DPP10: variants seen among roughly 807,000 people sequenced by gnomAD.
The protein encoded by DPP10 is dipeptidyl peptidase like 10, also known as inactive dipeptidyl peptidase 10.
In DPP10, 33 loss-of-function variants were observed where a neutral mutation model predicts 120.9. That is an observed-to-expected ratio of 0.27 (90% CI 0.21 to 0.37). The LOEUF (loss-of-function observed/expected upper bound fraction) is 0.37, where lower values mean the gene tolerates loss of function less well. Among genes scored for constraint, DPP10 ranks in the 10% least tolerant of loss-of-function variants. DPP10 has a pLI of 1.00. For synonymous variants in DPP10, 337 were observed against 326.1 expected (o/e 1.03, Z -0.36); for missense variants, 816 against 942.8 (o/e 0.87, Z 1.76).
At chr2:115,567,846 T>C (rs923224247) in intron 5 of DPP10, among the ~76,000 whole-genome samples, 1 of 152,206 alleles carries the variant, frequency 6.6e-6, no homozygotes, top group Admixed American at 6.5e-5. Context: ...AACTTTGCCA[T>C]TGAAATGTGT....
intron 5 of DPP10, among the ~76,000 whole-genome samples, chr2:115,556,073 G>C (rs2080191340): frequency 6.6e-6 from 1 of 152,066 alleles, no homozygotes; most frequent in South Asian, 2.1e-4. Flanking sequence ...AAAATTTCAG[G>C]ATATTAGTAT....
chr2:114,938,068 T>C (rs1696615825), intron 1 of DPP10, among the ~76,000 whole-genome samples: 1 of 152,188 alleles, frequency 6.6e-6, no homozygotes, highest in Admixed American at 6.5e-5. Flanking sequence ...TATAGGAAAG[T>C]AAATAAAGTC....
intron 1 of DPP10, among the ~76,000 whole-genome samples, chr2:114,837,279 T>C (rs1236406026): frequency 6.6e-6 from 1 of 152,164 alleles, no homozygotes; most frequent in Non-Finnish European, 1.5e-5. Context: ...CTAATAAATG[T>C]ACATGAAATC....
At chr2:114,854,391 T>C (rs1689206665) in intron 1 of DPP10, among the ~76,000 whole-genome samples, 1 of 152,210 alleles carries the variant, frequency 6.6e-6, no homozygotes, top group African/African-American at 2.4e-5. Context: ...ATTAAGTATG[T>C]TTCATAAAAA....
At chr2:114,613,824 T>C (rs1693466017) in intron 1 of DPP10, among the ~76,000 whole-genome samples, 1 of 152,074 alleles carries the variant, frequency 6.6e-6, no homozygotes, top group African/African-American at 2.4e-5. Context: ...TGCAGGGACA[T>C]GGATGAAGCT....
chr2:114,780,090 T>C (rs918110481), intron 1 of DPP10, among the ~76,000 whole-genome samples: 2 of 151,844 alleles, frequency 1.3e-5, no homozygotes, highest in Non-Finnish European at 2.9e-5. Context: ...GAGCCGAGAT[T>C]GCACCACTGC....
intron 7 of DPP10, among the ~76,000 whole-genome samples, chr2:115,717,641 G>C (rs2092537804): frequency 6.6e-6 from 1 of 152,034 alleles, no homozygotes. Context: ...CAGAATCAAA[G>C]AGAAAGTTGG....
At chr2:114,904,756 G>C (rs1201063741) in intron 1 of DPP10, among the ~76,000 whole-genome samples, 1 of 152,192 alleles carries the variant, frequency 6.6e-6, no homozygotes, top group Non-Finnish European at 1.5e-5. Context: ...TGAGTAGATA[G>C]AACAATTTGG....
At chr2:115,155,046 C>T (rs1486876115) in intron 1 of DPP10, among the ~76,000 whole-genome samples, 2 of 151,856 alleles carry the variant, frequency 1.3e-5, no homozygotes, top group African/African-American at 2.4e-5. Context: ...CACGTACCAC[C>T]ACACCAAGCT....
At chr2:115,330,039 T>G (rs1432302156) in intron 2 of DPP10, among the ~76,000 whole-genome samples, 4 of 152,154 alleles carry the variant, frequency 2.6e-5, no homozygotes, top group Non-Finnish European at 5.9e-5. Flanking sequence ...GTTGAACTAG[T>G]TTGCAGTCCC....
intron 11 of DPP10, among the ~76,000 whole-genome samples, chr2:115,756,364 GT>G: frequency 6.6e-6 from 1 of 152,026 alleles, no homozygotes; most frequent in East Asian, 1.9e-4. Flanking sequence ...AATGATAAAT[GT>G]TTGAGGTAGT....
chr2:115,680,155 A>G (rs1174876752), intron 5 of DPP10, among the ~76,000 whole-genome samples: 1 of 152,026 alleles, frequency 6.6e-6, no homozygotes, highest in Admixed American at 6.6e-5. Context: ...AAAATTTTCT[A>G]AATGACAAGA....
chr2:115,815,728 A>C lies in DPP10; in HGVS notation c.1949A>C (p.Lys650Thr). ...TCCAAAAGATTAAGCATTTTTGGAA[A>C]GGTAAATAGTAGAAATGCTGAATCT... is the stretch of plus-strand genomic sequence containing the variant. ...IDSKRLSIFG[K>T]GYGGYIASMI... The change falls in exon 21 of 26, where the codon AAG becomes ACG. Residue 650 changes from lysine to threonine, a missense_variant and splice_region_variant. Around this residue, in one of 3 missense-constraint regions of DPP10, gnomAD observed 592 missense variants for 649.0 expected, o/e 0.91. Transcript: ENST00000410059. 6.3e-7 allele frequency: 1 copy of C among 1,599,176 alleles called. No individual in the cohort carries two copies. Among genetic ancestry groups the C allele is most frequent in the Non-Finnish European group, 8.5e-7 (1 of 1,171,112 alleles).
intron 1 of DPP10, among the ~76,000 whole-genome samples, chr2:114,663,077 T>C (rs1697555244): frequency 6.6e-6 from 1 of 152,054 alleles, no homozygotes; most frequent in Non-Finnish European, 1.5e-5. Flanking sequence ...CATGTACATA[T>C]CCATATATAT....
intron 3 of DPP10, among the ~76,000 whole-genome samples, chr2:115,476,878 TA>T (rs1408669555): frequency 3.9e-5 from 6 of 152,182 alleles, no homozygotes; most frequent in Non-Finnish European, 5.9e-5. Context: ...ATCAATCATG[TA>T]ATACACTACA....
At chr2:115,744,800 C>T (rs28438741) in intron 9 of DPP10, among the ~76,000 whole-genome samples, 61,006 of 149,764 alleles carry the variant, frequency 0.41, 15,980 homozygotes, top group East Asian at 0.64. Context: ...CATGGATCTT[C>T]GTCATTTTTA....
chr2:114,866,004 C>T lies in DPP10; in HGVS notation c.60+423166C>T, dbSNP rs1574373105. 2.0e-5 allele frequency among the ~76,000 whole-genome samples: 3 copies of T among 151,942 alleles called. No individual in the cohort carries two copies. In the South Asian group the frequency reaches 6.2e-4, roughly 32 times the overall value. On this transcript the variant is annotated intron_variant, in intron 1 of 25. Transcript: ENST00000410059. ...GTGCATGCCTATAAACCCAGCTACTCAGGAGGCTGAGGCAGGAGAATCGCT... is the reference window on the plus strand; with the variant it reads ...GTGCATGCCTATAAACCCAGCTACTTAGGAGGCTGAGGCAGGAGAATCGCT...
rs1690494779 is a variant in DPP10, at chr2:115,844,932, T to G, written c.*2587T>G. The G allele has an allele frequency of 6.6e-6, 1 of 152,188 alleles. No homozygotes were observed. Among genetic ancestry groups the G allele is most frequent in the Non-Finnish European group, 1.5e-5 (1 of 68,032 alleles). 9.4% of individuals were successfully genotyped at this position (152,188 alleles called of 1,614,324 possible). ...CAGGCTATTCTCATCTCTTTGAGTTTCCTGACAGAACTAAAGGAAGGAATC... is the reference window on the plus strand; with the variant it reads ...CAGGCTATTCTCATCTCTTTGAGTTGCCTGACAGAACTAAAGGAAGGAATC... On this transcript the variant is annotated 3_prime_UTR_variant, in exon 26 of 26. Transcript: ENST00000410059.
At chr2:114,614,619 G>A (rs763857895) in intron 1 of DPP10, among the ~76,000 whole-genome samples, 6 of 152,174 alleles carry the variant, frequency 3.9e-5, no homozygotes, top group African/African-American at 9.7e-5. Context: ...CCTAATTAGT[G>A]TGGTTAAAGT....
Sources: allele counts gnomAD v4.1 joint callset (sites outside exome capture counted in the v4.1 genomes callset), GRCh38; gene constraint gnomAD v4.1.1; regional missense constraint gnomAD v4.1.1; transcripts MANE v1.5; gene names NCBI Gene and HGNC (gene_info 2026-07-23, HGNC 2026-07-21).